SGCD: variants seen among roughly 807,000 people sequenced by gnomAD.
The protein encoded by SGCD is delta-sarcoglycan.
SGCD carries 18 observed loss-of-function variants against 36.6 expected under a neutral mutation model. That is an observed-to-expected ratio of 0.49 (90% CI 0.34 to 0.73). SGCD has a LOEUF of 0.73. SGCD is among the 30% of genes least tolerant of loss of function. The pLI is 0.01. For missense variants in SGCD, 387 were observed against 346.7 expected (o/e 1.12, Z -0.92); for synonymous variants, 133 against 130.6 (o/e 1.02, Z -0.12).
At chr5:156,619,614 C>G (rs1248578917) in intron 6 of SGCD, among the ~76,000 whole-genome samples, 3 of 152,198 alleles carry the variant, frequency 2.0e-5, no homozygotes, top group African/African-American at 7.2e-5. Context: ...TTACCACCAA[C>G]AGTTACCTGA....
At chr5:156,412,371 G>A (rs1772806922) in intron 3 of SGCD, among the ~76,000 whole-genome samples, 1 of 152,190 alleles carries the variant, frequency 6.6e-6, no homozygotes, top group African/African-American at 2.4e-5. Context: ...ACAATCAAAT[G>A]GCTTTTTTCT....
chr5:156,033,076 C>T (rs1375041627), intron 1 of SGCD, among the ~76,000 whole-genome samples: 4 of 150,326 alleles, frequency 2.7e-5, no homozygotes, highest in Non-Finnish European at 4.4e-5. Flanking sequence ...GACATCGTCT[C>T]AAAAATAATA....
intron 4 of SGCD, among the ~76,000 whole-genome samples, chr5:156,555,778 A>T (rs535297944): frequency 6.6e-6 from 1 of 151,816 alleles, no homozygotes; most frequent in South Asian, 2.1e-4. Flanking sequence ...GATCAGTGAG[A>T]GTATTTCCAT....
chr5:156,290,756 T>A (rs559886376), intron 3 of SGCD, among the ~76,000 whole-genome samples: 1 of 152,286 alleles, frequency 6.6e-6, no homozygotes, highest in East Asian at 1.9e-4. Flanking sequence ...CCTCTCTTTT[T>A]AAAATAAGGT....
chr5:156,387,756 A>G (rs561712056), intron 3 of SGCD, among the ~76,000 whole-genome samples: 1 of 152,304 alleles, frequency 6.6e-6, no homozygotes, highest in African/African-American at 2.4e-5. Flanking sequence ...CAAGAAAAAT[A>G]TCCTTATTTA....
At chr5:156,094,788 G>A (rs1177891808) in intron 1 of SGCD, among the ~76,000 whole-genome samples, 4 of 152,106 alleles carry the variant, frequency 2.6e-5, no homozygotes, top group African/African-American at 9.7e-5. Flanking sequence ...AGATCATGAG[G>A]TCAAGAGATC....
chr5:156,634,461 A>AC (rs1762749004), intron 6 of SGCD, among the ~76,000 whole-genome samples: 1 of 143,056 alleles, frequency 7.0e-6, no homozygotes. Flanking sequence ...GAAAACAGCA[A>AC]CAACAACAAC....
chr5:156,174,319 A>G (rs1308849462), intron 3 of SGCD, among the ~76,000 whole-genome samples: 3 of 152,230 alleles, frequency 2.0e-5, no homozygotes, highest in Admixed American at 2.0e-4. Flanking sequence ...GTTAAGAGCC[A>G]GTGGTAAAGG....
the SGCD span, among the ~76,000 whole-genome samples, chr5:155,820,612 G>A: frequency 6.6e-6 from 1 of 152,152 alleles, no homozygotes; most frequent in African/African-American, 2.4e-5. Flanking sequence ...TGGGAGGATA[G>A]CTTGAGCCCA....
chr5:156,703,629 T>C (rs1754617312), intron 7 of SGCD, among the ~76,000 whole-genome samples: 2 of 152,220 alleles, frequency 1.3e-5, no homozygotes, highest in South Asian at 4.1e-4. Context: ...ATTTATTCTT[T>C]TACTTGAACA....
chr5:155,823,304 GA>G, the SGCD span, among the ~76,000 whole-genome samples: 43,807 of 110,352 alleles, frequency 0.4, 7,253 homozygotes, highest in Admixed American at 0.48. Flanking sequence ...CAGTGAAGCA[GA>G]AAAAAAAAAA....
the SGCD span, among the ~76,000 whole-genome samples, chr5:155,805,558 T>C: frequency 0.9 from 137,621 of 152,276 alleles, 62,417 homozygotes; most frequent in East Asian, 0.99. Context: ...CATCTCTGGC[T>C]GCTACACACC....
At chr5:155,905,148 C>T (rs144920608) in intron 1 of SGCD, among the ~76,000 whole-genome samples, 11 of 152,264 alleles carry the variant, frequency 7.2e-5, no homozygotes, top group South Asian at 2.1e-4. Context: ...AGATGTCTCT[C>T]GTAGCCAATG....
intron 3 of SGCD, among the ~76,000 whole-genome samples, chr5:156,362,054 G>T (rs1349935486): frequency 6.6e-6 from 1 of 152,196 alleles, no homozygotes; most frequent in Non-Finnish European, 1.5e-5. Flanking sequence ...ATTGAGAAAG[G>T]ACTTAGAGTA....
intron 1 of SGCD, among the ~76,000 whole-genome samples, chr5:155,962,997 A>G (rs935199897): frequency 2.0e-5 from 3 of 152,096 alleles, no homozygotes; most frequent in Non-Finnish European, 2.9e-5. Flanking sequence ...GACTCCATTC[A>G]AAGCAGGTCT....
chr5:156,594,789 G>T (rs1760856843), intron 5 of SGCD, 143 bp from the exon 6 acceptor site: 1 of 595,278 alleles, frequency 1.7e-6, no homozygotes, highest in Admixed American at 2.9e-5. Flanking sequence ...CCAGTCCACT[G>T]AACATTGAAG....
chr5:156,368,002 A>G (rs1770193096), intron 3 of SGCD, among the ~76,000 whole-genome samples: 1 of 152,136 alleles, frequency 6.6e-6, no homozygotes, highest in Non-Finnish European at 1.5e-5. Flanking sequence ...TCCAAAACAT[A>G]CTAAAACCTA....
intron 7 of SGCD, among the ~76,000 whole-genome samples, chr5:156,752,027 G>A (rs1054329089): frequency 1.3e-5 from 2 of 152,194 alleles, no homozygotes; most frequent in Non-Finnish European, 2.9e-5. Context: ...AACCAACCCA[G>A]TGTTCGACAG....
intron 3 of SGCD, among the ~76,000 whole-genome samples, chr5:156,500,415 C>T (rs1756394743): frequency 1.3e-5 from 2 of 151,968 alleles, no homozygotes; most frequent in Non-Finnish European, 2.9e-5. Flanking sequence ...TGGATCCAAA[C>T]CAAGTAATGC....
Sources: gnomAD v4.1 joint callset for allele counts (sites outside exome capture counted in the v4.1 genomes callset) on GRCh38, gnomAD v4.1.1 for gene constraint, MANE v1.5 for transcripts, NCBI Gene and HGNC (gene_info 2026-07-23, HGNC 2026-07-21) for gene names.